The following SLC4A10 variants were observed in gnomAD, a reference collection of about 807,000 sequenced individuals.
SLC4A10 encodes sodium-driven chloride bicarbonate exchanger.
A neutral mutation model predicts 137.7 loss-of-function variants in SLC4A10; 42 were observed. The ratio of observed to expected loss-of-function variants is 0.30; its 90% CI spans 0.24 to 0.39. The LOEUF (loss-of-function observed/expected upper bound fraction) is 0.39, where lower values mean the gene tolerates loss of function less well. Ranked by LOEUF, SLC4A10 falls within the 10% of genes least tolerant of loss-of-function variation. SLC4A10 has a pLI of 1.00. For synonymous variants in SLC4A10, 474 were observed against 464.1 expected, an observed-to-expected ratio of 1.02 and a Z score of -0.27; for missense variants, 925 against 1,355.0, an observed-to-expected ratio of 0.68 and a Z score of 4.98.
rs536409808 is a variant in SLC4A10 at position 161,674,516 on chromosome 2, C to T, written c.48+49950C>T. ...GTGATAGTTTAGCATTATCATCTTTCTGTAATAGAAGAAAAGTTTGATTTC... is the reference window on the plus strand; with the variant it reads ...GTGATAGTTTAGCATTATCATCTTTTTGTAATAGAAGAAAAGTTTGATTTC... On this transcript the variant is annotated intron_variant, in intron 1 of 26. Coordinates refer to ENST00000446997, the MANE Select transcript of SLC4A10 (RefSeq NM_001178015.2). Among the ~76,000 whole-genome samples, 4 of 152,210 alleles carry T rather than the reference C, an allele frequency of 2.6e-5. No individual in the cohort carries two copies. The East Asian group carries it at 7.7e-4, about 29-fold the overall frequency.
intron 26 of SLC4A10, among the ~76,000 whole-genome samples, chr2:161,982,111 C>T (rs181144536): frequency 2.6e-5 from 4 of 152,194 alleles, no homozygotes; most frequent in Admixed American, 1.3e-4. Flanking sequence ...ACCAAGGGTG[C>T]GGTCCATTGT....
At chr2:161,751,771 T>C (rs775903864) in intron 1 of SLC4A10, among the ~76,000 whole-genome samples, 4 of 151,880 alleles carry the variant, frequency 2.6e-5, no homozygotes, top group Non-Finnish European at 5.9e-5. Flanking sequence ...TTATATAGGG[T>C]CCTCTTATCC....
intron 6 of SLC4A10, among the ~76,000 whole-genome samples, chr2:161,865,425 T>C (rs2060680128): frequency 6.6e-6 from 1 of 152,106 alleles, no homozygotes; most frequent in Non-Finnish European, 1.5e-5. Flanking sequence ...TCACCATCTG[T>C]ACAATCAGCC....
At chr2:161,842,079 A>G (rs973593315) in intron 4 of SLC4A10, among the ~76,000 whole-genome samples, 17 of 152,146 alleles carry the variant, frequency 1.1e-4, no homozygotes. Flanking sequence ...TTATTTATTT[A>G]TCAGTTAGTC....
At chr2:161,817,581 C>G (rs1319450318) in intron 3 of SLC4A10, among the ~76,000 whole-genome samples, 1 of 152,100 alleles carries the variant, frequency 6.6e-6, no homozygotes, top group African/African-American at 2.4e-5. Context: ...ATGGTATTGC[C>G]TAGGTTTTCT....
intron 11 of SLC4A10, among the ~76,000 whole-genome samples, chr2:161,897,142 T>C (rs1441515658): frequency 1.3e-5 from 2 of 152,160 alleles, no homozygotes; most frequent in African/African-American, 2.4e-5. Context: ...TTTTTAAATT[T>C]TGTTTATGAA....
rs56159201 is a variant in SLC4A10, at chr2:161,945,182, GTATATATATATATATA to G, written c.2103+2323_2104-2331del. Among the ~76,000 whole-genome samples, 382 of 88,852 alleles carry G rather than the reference GTATATATATATATATA, an allele frequency of 4.3e-3. 3 individuals carry two copies. The highest frequency in any genetic ancestry group is 0.022 in the Middle Eastern group (3 of 134). 58.3% of individuals were successfully genotyped at this position (88,852 alleles called of 152,430 possible). A position where few individuals can be genotyped will look rare whatever the true frequency, so the allele number is the denominator to read the frequency against. ...CAAACTGGAGTACTTAAGTTTGTGT[GTATATATATATATATA>G]TATATATATATATATATATATATAT... On this transcript the variant is annotated intron_variant, in intron 16 of 26. Transcript: ENST00000446997.
intron 15 of SLC4A10, among the ~76,000 whole-genome samples, chr2:161,930,043 C>G (rs1218686181): frequency 6.6e-6 from 1 of 152,132 alleles, no homozygotes; most frequent in African/African-American, 2.4e-5. Flanking sequence ...GCTACCTGGT[C>G]TTTCTTGGAA....
intron 1 of SLC4A10, among the ~76,000 whole-genome samples, chr2:161,741,120 C>A (rs2047836682): frequency 6.6e-6 from 1 of 151,940 alleles, no homozygotes. Flanking sequence ...AAAAAATTAG[C>A]AAAGTGTTGT....
At chr2:161,858,339 G>T (rs947161932) in intron 5 of SLC4A10, among the ~76,000 whole-genome samples, 1 of 152,012 alleles carries the variant, frequency 6.6e-6, no homozygotes, top group Admixed American at 6.6e-5. Context: ...AACAGACTCG[G>T]ATAATTCCTT....
At chr2:161,682,861 A>G (rs1417028787) in intron 1 of SLC4A10, among the ~76,000 whole-genome samples, 1 of 152,092 alleles carries the variant, frequency 6.6e-6, no homozygotes, top group Admixed American at 6.6e-5. Flanking sequence ...ATAGTACAAA[A>G]GTCATAGCTG....
chr2:161,964,092 T>C (rs1697182592), intron 21 of SLC4A10, 43 bp from the exon 22 acceptor site: 1 of 1,504,314 alleles, frequency 6.6e-7, no homozygotes, highest in Middle Eastern at 1.7e-4. Context: ...ACTTTTATTG[T>C]TGTCTTACAC....
At chr2:161,742,439 C>CTTTTTTTTTTTTTTTTTTTTTTTCTTTT (rs35953656) in intron 1 of SLC4A10, among the ~76,000 whole-genome samples, 2 of 82,564 alleles carry the variant, frequency 2.4e-5, no homozygotes, top group Non-Finnish European at 2.1e-5. Flanking sequence ...TTCTTTCTTT[C>CTTTTTTTTTTTTTTTTTTTTTTTCTTTT]TTTTTTTTTT....
At chr2:161,932,867 G>T (rs1690665399) in intron 15 of SLC4A10, among the ~76,000 whole-genome samples, 2 of 151,994 alleles carry the variant, frequency 1.3e-5, no homozygotes, top group South Asian at 2.1e-4. Flanking sequence ...GTCTAGGTCT[G>T]ATCTTTTCTC....
chr2:161,879,202 G>C lies in SLC4A10; in HGVS notation c.1020G>C (p.Glu340Asp), dbSNP rs2061606152. 5 of 1,613,580 alleles carry C rather than the reference G, an allele frequency of 3.1e-6. No homozygotes were observed. The highest frequency in any genetic ancestry group is 3.4e-6 in the Non-Finnish European group (4 of 1,179,608). The change falls in exon 9 of 27, where the codon GAG becomes GAC. Residue 340 changes from glutamate to aspartate, a missense_variant. Coordinates refer to ENST00000446997, the MANE Select transcript of SLC4A10 (RefSeq NM_001178015.2). ...CGAACATCTTAGTGGGAGAACTGGA[G>C]TTCTTGGATCGAACAGTAGTTGCGT... ...EASNILVGEL[E>D]FLDRTVVAFV...
chr2:161,810,350 C>G (rs890858312), intron 3 of SLC4A10, among the ~76,000 whole-genome samples: 4 of 151,926 alleles, frequency 2.6e-5, no homozygotes, highest in Non-Finnish European at 4.4e-5. Context: ...ATTTGAATGC[C>G]TTTTATTTCT....
At chr2:161,640,374 T>C (rs2035098639) in intron 1 of SLC4A10, among the ~76,000 whole-genome samples, 1 of 152,172 alleles carries the variant, frequency 6.6e-6, no homozygotes, top group Non-Finnish European at 1.5e-5. Context: ...AACCATGTCA[T>C]TAAGGAGCTG....
At chr2:161,906,176 A>G (rs148885055) in intron 15 of SLC4A10, among the ~76,000 whole-genome samples, 1 of 152,348 alleles carries the variant, frequency 6.6e-6, no homozygotes, top group Admixed American at 6.5e-5. Flanking sequence ...TTTAATATAC[A>G]CGAATTTTAC....
intron 1 of SLC4A10, among the ~76,000 whole-genome samples, chr2:161,688,857 C>T (rs1206336957): frequency 6.6e-6 from 1 of 152,064 alleles, no homozygotes; most frequent in Non-Finnish European, 1.5e-5. Context: ...GCATATACCA[C>T]AGTGGTTCCA....
Sources: allele counts gnomAD v4.1 joint callset (sites outside exome capture counted in the v4.1 genomes callset), GRCh38; gene constraint gnomAD v4.1.1; transcripts MANE v1.5; gene names NCBI Gene and HGNC (gene_info 2026-07-23, HGNC 2026-07-21).